The following PTPN14 variants were observed in gnomAD, a reference collection of about 807,000 sequenced individuals.
The protein encoded by PTPN14 is protein tyrosine phosphatase non-receptor type 14, also known as tyrosine-protein phosphatase non-receptor type 14.
PTPN14 carries 53 observed loss-of-function variants against 126.8 expected under a neutral mutation model. The observed-to-expected ratio is 0.42, with a 90% CI of 0.34 to 0.53. PTPN14 has a LOEUF of 0.53. Among genes scored for constraint, PTPN14 ranks in the 20% least tolerant of loss-of-function variants. PTPN14 has a pLI of 0.08. For synonymous variants in PTPN14, 630 were observed against 599.3 expected, an observed-to-expected ratio of 1.05 and a Z score of -0.75; for missense variants, 1,257 against 1,552.9, an observed-to-expected ratio of 0.81 and a Z score of 3.20.
intron 3 of PTPN14, among the ~76,000 whole-genome samples, chr1:214,429,089 T>C (rs972075162): frequency 6.6e-6 from 1 of 152,200 alleles, no homozygotes; most frequent in African/African-American, 2.4e-5. Flanking sequence ...CACTTTTTCA[T>C]GTTAGCCCGT....
chr1:214,440,296 A>G (rs1194490999), intron 3 of PTPN14, among the ~76,000 whole-genome samples: 2 of 152,218 alleles, frequency 1.3e-5, no homozygotes, highest in Non-Finnish European at 2.9e-5. Context: ...AAACTCTATC[A>G]TTCTGGTCTG....
chr1:214,385,604 A>C lies in PTPN14; in HGVS notation c.1067-816T>G, dbSNP rs764243871. Among the ~76,000 whole-genome samples the C allele has an allele frequency of 7.9e-5, 12 of 151,836 alleles. No homozygotes were observed. In the East Asian group the frequency reaches 1.9e-3, roughly 24 times the overall value. ...CTGGTGTTCTCTTACACACACACAC[A>C]CCCCAAGGAAGGCAACCTCTTGCCT... On this transcript the variant is annotated intron_variant, in intron 12 of 18. Coordinates refer to ENST00000366956, the MANE Select transcript of PTPN14 (RefSeq NM_005401.5).
chr1:214,539,870 A>T (rs890403259), intron 1 of PTPN14, among the ~76,000 whole-genome samples: 2 of 152,210 alleles, frequency 1.3e-5, no homozygotes, highest in African/African-American at 4.8e-5. Context: ...GCCTCATTTT[A>T]GGAACAACCA....
intron 1 of PTPN14, among the ~76,000 whole-genome samples, chr1:214,469,338 A>G (rs983388328): frequency 6.6e-6 from 1 of 152,150 alleles, no homozygotes; most frequent in African/African-American, 2.4e-5. Context: ...GCTCCCTCCT[A>G]TATTTTATGT....
intron 1 of PTPN14, among the ~76,000 whole-genome samples, chr1:214,493,257 A>T (rs1220622948): frequency 6.6e-6 from 1 of 152,212 alleles, no homozygotes; most frequent in African/African-American, 2.4e-5. Flanking sequence ...GATGTGTTGG[A>T]AACAGGAACT....
chr1:214,410,866 C>T (rs4384206), intron 5 of PTPN14, among the ~76,000 whole-genome samples: 139,981 of 152,238 alleles, frequency 0.92, 64,466 homozygotes, highest in African/African-American at 0.96. Context: ...CTTTGATATA[C>T]AGTTTGAAAT....
intron 2 of PTPN14, among the ~76,000 whole-genome samples, chr1:214,453,027 G>A (rs1023426942): frequency 2.0e-5 from 3 of 152,144 alleles, no homozygotes; most frequent in South Asian, 2.1e-4. Flanking sequence ...ATGAAGCTAT[G>A]ACTCTGACTT....
At chr1:214,538,993 T>A (rs376503367) in intron 1 of PTPN14, among the ~76,000 whole-genome samples, 43 of 152,322 alleles carry the variant, frequency 2.8e-4, no homozygotes, top group African/African-American at 9.9e-4. Flanking sequence ...TGTGAATAAT[T>A]CCTGATATTT....
intron 1 of PTPN14, among the ~76,000 whole-genome samples, chr1:214,535,475 G>C (rs1388766990): frequency 6.6e-6 from 1 of 152,152 alleles, no homozygotes; most frequent in Non-Finnish European, 1.5e-5. Context: ...AAAAGCAAGA[G>C]TTAGAAGAAA....
intron 1 of PTPN14, among the ~76,000 whole-genome samples, chr1:214,519,873 TTC>T (rs1326070733): frequency 6.6e-6 from 1 of 151,234 alleles, no homozygotes; most frequent in Non-Finnish European, 1.5e-5. Context: ...ACAAAGAAAG[TTC>T]TGTCTCTACA....
chr1:214,459,643 T>C (rs1348765927), intron 2 of PTPN14, among the ~76,000 whole-genome samples: 2 of 151,872 alleles, frequency 1.3e-5, no homozygotes, highest in Non-Finnish European at 2.9e-5. Flanking sequence ...CTAATTTTTG[T>C]ATTTTAGTAG....
chr1:214,383,199 C>T lies in PTPN14; in HGVS notation c.2544+112G>A. On this transcript the variant is annotated intron_variant, in intron 13 of 18. Transcript: ENST00000366956. This position sits in a 1 kb window ranked among gnomAD's most constrained non-coding sequence, Gnocchi z 4.4. ...AATAAAGTACTACCTTTTAAATGCT[C>T]AATGATTCCTTAAAAACCTACCACG... 1 of 1,325,870 alleles carries T rather than the reference C, an allele frequency of 7.5e-7. No homozygotes were observed. The highest frequency in any genetic ancestry group is 2.1e-4 in the Middle Eastern group (1 of 4,686). The allele number at this position is 1,325,870 out of a possible 1,614,324, so 82.1% of individuals were successfully genotyped here. A position where few individuals can be genotyped will look rare whatever the true frequency, so the allele number is the denominator to read the frequency against.
chr1:214,371,435 AGAG>A (rs927416950), intron 16 of PTPN14, among the ~76,000 whole-genome samples: 1 of 152,162 alleles, frequency 6.6e-6, no homozygotes, highest in Non-Finnish European at 1.5e-5. Context: ...ACCCACACAA[AGAG>A]GAGGAGGGAT....
chr1:214,373,354 T>C (rs1451291947), intron 15 of PTPN14, among the ~76,000 whole-genome samples: 1 of 152,180 alleles, frequency 6.6e-6, no homozygotes, highest in African/African-American at 2.4e-5. Context: ...AGGCTTGGCC[T>C]TTACCTGATC....
At chr1:214,526,122 C>T (rs548168088) in intron 1 of PTPN14, among the ~76,000 whole-genome samples, 23 of 151,956 alleles carry the variant, frequency 1.5e-4, no homozygotes, top group Non-Finnish European at 2.8e-4. Flanking sequence ...CACACCACCA[C>T]GCCCAGCTAA....
rs551890622 is a variant in PTPN14, at chr1:214,505,371, G to T, written c.-154-40414C>A. ...GTAACGCTTCAAGGAGAAGGATCTG[G>T]TCAATGTCCAATTCCAAAGGGAGGT... On this transcript the variant is annotated intron_variant, in intron 1 of 18. Coordinates refer to ENST00000366956, the MANE Select transcript of PTPN14 (RefSeq NM_005401.5). Among the ~76,000 whole-genome samples the T allele has an allele frequency of 3.3e-5, 5 of 152,290 alleles. No homozygotes were observed. In the South Asian group the frequency reaches 1.0e-3, roughly 32 times the overall value.
rs190096543 is a variant in PTPN14 at position 214,359,602 on chromosome 1, A to T, written c.3436-1552T>A. ...TGGTGCGATCATAACTCATTGCAAC[A>T]TCAACCTCCTAGGCTCAAGCAATCC... On this transcript the variant is annotated intron_variant, in intron 18 of 18. Transcript: ENST00000366956. 1.3e-3 allele frequency among the ~76,000 whole-genome samples: 195 copies of T among 151,232 alleles called. 1 individual carries two copies. The highest frequency in any genetic ancestry group is 4.5e-3 in the African/African-American group (187 of 41,168).
chr1:214,394,184 A>T (rs1176896631), intron 9 of PTPN14, among the ~76,000 whole-genome samples: 1 of 152,236 alleles, frequency 6.6e-6, no homozygotes, highest in Non-Finnish European at 1.5e-5. Context: ...TCAGTCCCTC[A>T]GCTACTTCAG....
chr1:214,470,984 C>G (rs1372343506), intron 1 of PTPN14, among the ~76,000 whole-genome samples: 3 of 149,044 alleles, frequency 2.0e-5, no homozygotes, highest in Non-Finnish European at 4.4e-5. Flanking sequence ...AAGATCACAC[C>G]ACGGCACTCC....
Sources: gnomAD v4.1 joint callset for allele counts (sites outside exome capture counted in the v4.1 genomes callset) on GRCh38, gnomAD v4.1.1 for gene constraint, Gnocchi (gnomAD v3.1) non-coding constraint, MANE v1.5 for transcripts, NCBI Gene and HGNC (gene_info 2026-07-23, HGNC 2026-07-21) for gene names.